ARHGAP15: variants seen among roughly 807,000 people sequenced by gnomAD.
ARHGAP15 encodes Rho GTPase activating protein 15.
A neutral mutation model predicts 63.7 loss-of-function variants in ARHGAP15; 51 were observed. The ratio of observed to expected loss-of-function variants is 0.80; its 90% CI spans 0.64 to 1.01. The LOEUF (loss-of-function observed/expected upper bound fraction) is 1.01. Ranked by LOEUF, ARHGAP15 falls within the 50% of genes least tolerant of loss-of-function variation. ARHGAP15 has a pLI of 0.00. For missense variants in ARHGAP15, 560 were observed against 564.6 expected (o/e 0.99, Z 0.08); for synonymous variants, 191 against 193.8 (o/e 0.99, Z 0.12).
chr2:143,140,623 T>G (rs1415237898), intron 1 of ARHGAP15, among the ~76,000 whole-genome samples: 1 of 152,124 alleles, frequency 6.6e-6, no homozygotes, highest in Non-Finnish European at 1.5e-5. Flanking sequence ...AAAAGGAAAC[T>G]AGGAAGTCCT....
rs114418603 is a variant in ARHGAP15, at chr2:143,354,444, C to T, written c.475-81157C>T. Among the ~76,000 whole-genome samples, 660 of 152,186 alleles carry T rather than the reference C, an allele frequency of 4.3e-3. 5 individuals are homozygous for T. The highest frequency in any genetic ancestry group is 7.3e-3 in the Non-Finnish European group (497 of 67,984). ...CTGTTGGCTTAGCTAGCAAACAAAA[C>T]ATGGTTCAAATGGTTTAACAGTCCT... On this transcript the variant is annotated intron_variant, in intron 6 of 13. Coordinates refer to ENST00000295095, the MANE Select transcript of ARHGAP15 (RefSeq NM_018460.4).
intron 8 of ARHGAP15, among the ~76,000 whole-genome samples, chr2:143,481,406 CA>C (rs200323576): frequency 3.4e-5 from 5 of 148,354 alleles, no homozygotes; most frequent in Non-Finnish European, 3.0e-5. Flanking sequence ...TTCCAAATTT[CA>C]AAAAAAAAAT....
At chr2:143,607,571 G>A (rs1408628557) in intron 11 of ARHGAP15, 1 of 151,662 alleles carries the variant, frequency 6.6e-6, no homozygotes, top group African/African-American at 2.4e-5. Flanking sequence ...GAGAGAGAGA[G>A]AGACAGAGAG....
intron 11 of ARHGAP15, chr2:143,601,557 C>A (rs1697771425): frequency 6.6e-6 from 1 of 152,060 alleles, no homozygotes; most frequent in South Asian, 2.1e-4. Flanking sequence ...GGATTGGAGA[C>A]CATCACCTTT....
intron 9 of ARHGAP15, among the ~76,000 whole-genome samples, chr2:143,506,072 T>C (rs529261770): frequency 9.9e-5 from 15 of 152,246 alleles, no homozygotes; most frequent in Non-Finnish European, 2.2e-4. Flanking sequence ...TATTGAACTA[T>C]GCATTCATGC....
At chr2:143,219,564 A>G (rs1692903721) in intron 4 of ARHGAP15, among the ~76,000 whole-genome samples, 1 of 152,172 alleles carries the variant, frequency 6.6e-6, no homozygotes, top group Non-Finnish European at 1.5e-5. Flanking sequence ...GAATTTTCTC[A>G]GGGGAATATT....
rs145829290 is a variant in ARHGAP15, at chr2:143,467,901, G to A, written c.704-19472G>A. ...TAATCATTGTTTCCTTTTTTATATT[G>A]CACAGATCTAAGCTTAGTTCATCTA... On this transcript the variant is annotated intron_variant, in intron 8 of 13. Coordinates refer to ENST00000295095, the MANE Select transcript of ARHGAP15 (RefSeq NM_018460.4). Among the ~76,000 whole-genome samples the A allele has an allele frequency of 1.6e-3, 236 of 152,030 alleles. 1 individual carries two copies. The highest frequency in any genetic ancestry group is 5.2e-3 in the African/African-American group (215 of 41,482).
rs74375763 is a variant in ARHGAP15, at chr2:143,599,752, C to T, written c.1004-24381C>T. On this transcript the variant is annotated intron_variant, in intron 11 of 13. Coordinates refer to ENST00000295095, the MANE Select transcript of ARHGAP15 (RefSeq NM_018460.4). Reference sequence around the variant, plus strand: ...TATTTCTAGTCTAATCTATGCTTGACGCTTTCCATTGCTACTGGGTGACAC... The same window carrying T: ...TATTTCTAGTCTAATCTATGCTTGATGCTTTCCATTGCTACTGGGTGACAC... Among the ~76,000 whole-genome samples, 60 of 152,254 alleles carry T rather than the reference C, an allele frequency of 3.9e-4. No individual in the cohort carries two copies. In the East Asian group the frequency reaches 8.3e-3, roughly 21 times the overall value.
intron 6 of ARHGAP15, among the ~76,000 whole-genome samples, chr2:143,254,415 TA>T (rs540309663): frequency 0.015 from 2,092 of 142,690 alleles, 28 homozygotes; most frequent in African/African-American, 0.038. Context: ...CAAGTTTGTT[TA>T]AAAAAAAAAA....
chr2:143,316,509 T>G (rs1189445822), intron 6 of ARHGAP15, among the ~76,000 whole-genome samples: 6 of 148,506 alleles, frequency 4.0e-5, no homozygotes, highest in Non-Finnish European at 7.4e-5. Flanking sequence ...ATTTGTAATA[T>G]ATACATATAT....
chr2:143,671,528 T>C (rs542058179), intron 12 of ARHGAP15, among the ~76,000 whole-genome samples: 2 of 152,338 alleles, frequency 1.3e-5, no homozygotes, highest in South Asian at 4.1e-4. Context: ...TTGTTTTATC[T>C]TTGCAAAATT....
intron 8 of ARHGAP15, among the ~76,000 whole-genome samples, chr2:143,468,815 C>T (rs1380755255): frequency 6.6e-6 from 1 of 152,056 alleles, no homozygotes; most frequent in Non-Finnish European, 1.5e-5. Context: ...ATTGTACAGT[C>T]AAGTCAGCTA....
intron 11 of ARHGAP15, among the ~76,000 whole-genome samples, chr2:143,604,689 AAAATC>A (rs1697915355): frequency 6.6e-6 from 1 of 152,168 alleles, no homozygotes; most frequent in South Asian, 2.1e-4. Flanking sequence ...ATATTCCACT[AAAATC>A]AAAGAAGATA....
chr2:143,457,790 T>A (rs1265734925), intron 8 of ARHGAP15, among the ~76,000 whole-genome samples: 1 of 151,704 alleles, frequency 6.6e-6, no homozygotes, highest in Non-Finnish European at 1.5e-5. Flanking sequence ...AATTTAAAAA[T>A]TTTCTGTCAA....
chr2:143,451,278 A>G (rs1690395815), intron 8 of ARHGAP15, among the ~76,000 whole-genome samples: 1 of 151,924 alleles, frequency 6.6e-6, no homozygotes, highest in Non-Finnish European at 1.5e-5. Flanking sequence ...TTTCCAGAAT[A>G]TGTCTACAAA....
intron 6 of ARHGAP15, among the ~76,000 whole-genome samples, chr2:143,370,224 A>T (rs1381944982): frequency 6.6e-6 from 1 of 152,190 alleles, no homozygotes; most frequent in Admixed American, 6.5e-5. Flanking sequence ...CTTTAATAAC[A>T]AAACTCAAAA....
At chr2:143,387,892 C>T (rs1687364873) in intron 6 of ARHGAP15, among the ~76,000 whole-genome samples, 1 of 148,432 alleles carries the variant, frequency 6.7e-6, no homozygotes, top group African/African-American at 2.5e-5. Flanking sequence ...CGTGCACATA[C>T]ACATACACGC....
At chr2:143,438,578 T>G (rs1244979063) in intron 8 of ARHGAP15, among the ~76,000 whole-genome samples, 1 of 152,198 alleles carries the variant, frequency 6.6e-6, no homozygotes, top group African/African-American at 2.4e-5. Flanking sequence ...TTGTGCTAAG[T>G]TGGAGTTTAA....
chr2:143,135,767 C>A (rs1409695387), intron 1 of ARHGAP15, among the ~76,000 whole-genome samples: 3 of 152,126 alleles, frequency 2.0e-5, no homozygotes, highest in African/African-American at 7.2e-5. Flanking sequence ...CTTTCTGTAT[C>A]CTTTGCTAAC....
Sources: allele counts gnomAD v4.1 joint callset (sites outside exome capture counted in the v4.1 genomes callset), GRCh38; gene constraint gnomAD v4.1.1; transcripts MANE v1.5; gene names NCBI Gene and HGNC (gene_info 2026-07-23, HGNC 2026-07-21).